Variants in ACAT1 observed in about 807,000 individuals in gnomAD.
ACAT1 encodes acetyl-CoA acetyltransferase 1.
ACAT1 carries 28 observed loss-of-function variants against 47.3 expected under a neutral mutation model. The observed-to-expected ratio is 0.59, with a 90% CI of 0.44 to 0.81. The LOEUF (loss-of-function observed/expected upper bound fraction) is 0.81. Ranked by LOEUF, ACAT1 falls within the 30% of genes least tolerant of loss-of-function variation. The pLI is 0.00. For synonymous variants in ACAT1, 181 were observed against 173.6 expected (o/e 1.04, Z -0.34); for missense variants, 469 against 524.3 (o/e 0.89, Z 1.03).
At position 108,135,148 on chromosome 11, in the gene ACAT1, C is replaced by G. The variant is rs769333813; in HGVS notation, c.341C>G (p.Pro114Arg). Residue 114 changes from proline (P) to arginine (R), a missense_variant, in exon 5 of 12, where the codon CCT (proline) becomes CGT (arginine). Transcript: ENST00000265838. ...TRQAVLGAGL[P>R]ISTPCTTINK... ...TGACTTATATTGGTTTTAGGCTTAC[C>G]TATTTCTACTCCATGTACCACCATA... 6.2e-7 allele frequency: 1 copy of G among 1,612,448 alleles called. No individual in the cohort carries two copies. Among genetic ancestry groups the G allele is most frequent in the South Asian group, 1.1e-5 (1 of 91,030 alleles).
intron 5 of ACAT1, chr11:108,136,601 T>G (rs1235438716): frequency 6.6e-6 from 1 of 152,388 alleles, no homozygotes; most frequent in Admixed American, 6.5e-5. Flanking sequence ...TAATATTATT[T>G]TATTCATTTG....
Position 108,142,522 on chromosome 11 carries a change from CA to C in ACAT1, c.914del (p.Asn305MetfsTer8). ...LMTADAAKRL[N>X]VTPLARIVAF... Reference sequence around the variant, plus strand: ...TGACGGCAGATGCAGCGAAGAGGCTCAATGTTACACCACTGGCAAGAATAGT... The same window carrying C: ...TGACGGCAGATGCAGCGAAGAGGCTCATGTTACACCACTGGCAAGAATAGT... On this transcript the variant is annotated frameshift_variant, in exon 9 of 12. Transcript: ENST00000265838. LOFTEE classifies it high-confidence loss of function. 1.2e-6 allele frequency: 2 copies of C among 1,614,096 alleles called. No individual in the cohort carries two copies. Among genetic ancestry groups the C allele is most frequent in the Non-Finnish European group, 1.7e-6 (2 of 1,180,012 alleles).
chr11:108,128,823 A>G (rs1413079848), intron 1 of ACAT1: 1 of 152,222 alleles, frequency 6.6e-6, no homozygotes, highest in African/African-American at 2.4e-5. Context: ...AGAAGCTTGA[A>G]AGAAGAGAAG....
chr11:108,137,457 G>A (rs1301144237), intron 5 of ACAT1, among the ~76,000 whole-genome samples: 1 of 152,202 alleles, frequency 6.6e-6, no homozygotes, highest in African/African-American at 2.4e-5. Flanking sequence ...TGAGTCAGAT[G>A]AGTGTTGATG....
intron 10 of ACAT1, 120 bp downstream of exon 10, chr11:108,144,167 A>C (rs2077651574): frequency 1.7e-6 from 2 of 1,146,664 alleles, no homozygotes; most frequent in Non-Finnish European, 2.6e-6. Flanking sequence ...CTTGGTTTCA[A>C]ATCTTCCCAT....
intron 8 of ACAT1, 102 bp from the exon 9 acceptor site, chr11:108,142,335 C>A (rs915266241): frequency 2.3e-6 from 2 of 887,220 alleles, no homozygotes; most frequent in East Asian, 2.6e-5. Context: ...TTTGTAATTT[C>A]TTTAAACATT....
chr11:108,124,831 C>T (rs369810821), intron 1 of ACAT1, among the ~76,000 whole-genome samples: 15 of 152,236 alleles, frequency 9.9e-5, no homozygotes, highest in African/African-American at 3.4e-4. Context: ...CTTAGTCCTA[C>T]GTGTTCCTGA....
rs189230700 is a variant in ACAT1, at chr11:108,135,998, T to G, written c.435+756T>G. Reference sequence around the variant, plus strand: ...CTTGAGCCCAGGCTTGATGACTAATTTGTAGTCATTAAGTTAAGTTCTACA... The same window carrying G: ...CTTGAGCCCAGGCTTGATGACTAATGTGTAGTCATTAAGTTAAGTTCTACA... On this transcript the variant is annotated intron_variant, in intron 5 of 11. Transcript: ENST00000265838. The G allele has an allele frequency of 2.9e-4, 156 of 535,790 alleles. No individual in the cohort carries two copies. The East Asian group carries it at 4.8e-3, about 17-fold the overall frequency. The allele number at this position is 535,790 out of a possible 1,614,324, so 33.2% of individuals were successfully genotyped here. A position where few individuals can be genotyped will look rare whatever the true frequency, so the allele number is the denominator to read the frequency against.
At chr11:108,133,410 G>A (rs1462053924) in intron 2 of ACAT1, among the ~76,000 whole-genome samples, 1 of 152,102 alleles carries the variant, frequency 6.6e-6, no homozygotes, top group Non-Finnish European at 1.5e-5. Context: ...TGCTTGAGCT[G>A]AGGAGTTTGA....
chr11:108,137,851 G>A (rs2077495945), intron 5 of ACAT1, among the ~76,000 whole-genome samples: 2 of 152,118 alleles, frequency 1.3e-5, no homozygotes, highest in Admixed American at 6.5e-5. Flanking sequence ...GGAGGCTGAG[G>A]TGGGAGGATC....
intron 3 of ACAT1, 54 bp from the exon 4 acceptor site, chr11:108,134,167 C>A (rs914483035): frequency 1.7e-5 from 25 of 1,480,118 alleles, no homozygotes; most frequent in Non-Finnish European, 2.0e-5. Flanking sequence ...TAGGTAATCA[C>A]TGATTATTAA....
At chr11:108,134,166 A>T in intron 3 of ACAT1, 55 bp from the exon 4 acceptor site, 1 of 1,469,924 alleles carries the variant, frequency 6.8e-7, no homozygotes, top group Non-Finnish European at 9.5e-7. Flanking sequence ...TTAGGTAATC[A>T]CTGATTATTA....
intron 1 of ACAT1, among the ~76,000 whole-genome samples, chr11:108,131,354 A>AGTGTTTTTTTTTTTTTTTTTTTTTTTT: frequency 1.6e-5 from 1 of 62,660 alleles, no homozygotes. Context: ...AAGACTTGGA[A>AGTGTTTTTTTTTTTTTTTTTTTTTTTT]TTTTTTTTTT....
intron 1 of ACAT1, among the ~76,000 whole-genome samples, chr11:108,131,372 TAGACA>T (rs2077356468): frequency 4.9e-5 from 7 of 142,360 alleles, no homozygotes; most frequent in South Asian, 2.3e-4. Flanking sequence ...TTTTTTTTTT[TAGACA>T]GTCTTGCTTT....
intron 11 of ACAT1, 70 bp from the exon 12 acceptor site, chr11:108,147,200 G>T (rs748942330): frequency 3.9e-5 from 61 of 1,570,694 alleles, no homozygotes; most frequent in Non-Finnish European, 4.8e-5. Flanking sequence ...AGTTAAATTG[G>T]AATAGAAACA....
intron 2 of ACAT1, 69 bp from the exon 3 acceptor site, chr11:108,133,745 ATATATT>A (rs572642909): frequency 1.1e-5 from 13 of 1,211,848 alleles, no homozygotes; most frequent in South Asian, 3.8e-5. Flanking sequence ...TTTTTTGATA[ATATATT>A]TATGTTTATT....
intron 11 of ACAT1, among the ~76,000 whole-genome samples, 158 bp downstream of exon 11, chr11:108,146,517 A>T (rs1285759931): frequency 6.6e-6 from 1 of 152,202 alleles, no homozygotes; most frequent in Non-Finnish European, 1.5e-5. Flanking sequence ...CCAATACTGA[A>T]CAGAGACCTG....
Position 108,144,045 on chromosome 11 carries a change from A to G in ACAT1, c.1003A>G (p.Met335Val), listed in dbSNP as rs369440498. The change falls in exon 10 of 12, where the codon ATG (methionine) becomes GTG (valine). Residue 335 changes from methionine (M) to valine (V), a missense_variant and splice_region_variant. Physicochemically the swap from Met to Val is conservative, Grantham distance 21. Transcript: ENST00000265838. ...FPIAPVYAAS[M>V]VLKDVGLKKE... ...AATTGCTCCTGTATATGCTGCATCT[A>G]TGGTGAGAACAAAGTGAGGGGCGAT... The G allele has an allele frequency of 3.9e-5, 54 of 1,401,212 alleles. No individual in the cohort carries two copies. Among genetic ancestry groups the G allele is most frequent in the African/African-American group, 3.6e-4 (24 of 65,962 alleles). 86.8% of individuals were successfully genotyped at this position (1,401,212 alleles called of 1,614,324 possible).
At chr11:108,123,301 T>G (rs536657987) in intron 1 of ACAT1, among the ~76,000 whole-genome samples, 1 of 152,332 alleles carries the variant, frequency 6.6e-6, no homozygotes, top group African/African-American at 2.4e-5. Flanking sequence ...CTGTACATGC[T>G]GTAATGTATG....
Sources: gnomAD v4.1 joint callset for allele counts (sites outside exome capture counted in the v4.1 genomes callset) on GRCh38, gnomAD v4.1.1 for gene constraint, MANE v1.5 for transcripts, NCBI Gene and HGNC (gene_info 2026-07-23, HGNC 2026-07-21) for gene names.